The following MIPEP variants were observed in gnomAD, a reference collection of about 807,000 sequenced individuals.
MIPEP encodes mitochondrial intermediate peptidase.
MIPEP carries 79 observed loss-of-function variants against 90.3 expected under a neutral mutation model. The observed-to-expected ratio is 0.87, with a 90% CI of 0.73 to 1.05. The LOEUF (loss-of-function observed/expected upper bound fraction) is 1.05, where lower values mean the gene tolerates loss of function less well. Among genes scored for constraint, MIPEP ranks in the 50% least tolerant of loss-of-function variants. MIPEP has a pLI of 0.00. For synonymous variants in MIPEP, 334 were observed against 315.8 expected, an observed-to-expected ratio of 1.06 and a Z score of -0.61; for missense variants, 940 against 905.6, an observed-to-expected ratio of 1.04 and a Z score of -0.49.
chr13:23,762,725 G>A (rs1199295430), intron 16 of MIPEP, among the ~76,000 whole-genome samples: 2 of 152,186 alleles, frequency 1.3e-5, no homozygotes, highest in East Asian at 1.9e-4. Flanking sequence ...GCACTTGCAC[G>A]GCTATTGTTT....
intron 18 of MIPEP, among the ~76,000 whole-genome samples, chr13:23,754,784 C>T (rs1009455873): frequency 3.3e-5 from 5 of 152,186 alleles, no homozygotes; most frequent in African/African-American, 9.7e-5. Flanking sequence ...CGCCTTAGCT[C>T]GGGGTGGGCT....
chr13:23,860,127 C>T (rs796084500), intron 9 of MIPEP, among the ~76,000 whole-genome samples: 11 of 152,308 alleles, frequency 7.2e-5, no homozygotes, highest in African/African-American at 2.4e-4. Context: ...GCAAGTGACT[C>T]AACAATCAGA....
chr13:23,799,375 T>G (rs1300840742), intron 16 of MIPEP, among the ~76,000 whole-genome samples: 1 of 152,018 alleles, frequency 6.6e-6, no homozygotes, highest in Non-Finnish European at 1.5e-5. Context: ...TCGCCCAGGC[T>G]GGAGTGCAGT....
rs753192532 is a variant in MIPEP, at chr13:23,858,916, C to T, written c.1054-4G>A. On this transcript the variant is annotated splice_polypyrimidine_tract_variant and splice_region_variant and intron_variant, in intron 9 of 18. Transcript: ENST00000382172. ...GGGGGTCCCAGGGCATTACTTCCTA[C>T]AATGGAATAATTCACTGTTAAGGAA... is the stretch of plus-strand genomic sequence containing the variant. The T allele has an allele frequency of 6.2e-7, 1 of 1,612,278 alleles. No individual in the cohort carries two copies. The highest frequency in any genetic ancestry group is 8.5e-7 in the Non-Finnish European group (1 of 1,178,608).
intron 18 of MIPEP, among the ~76,000 whole-genome samples, chr13:23,739,615 C>T (rs189187337): frequency 6.6e-6 from 1 of 152,184 alleles, no homozygotes; most frequent in African/African-American, 2.4e-5. Context: ...CCAAAGTGGG[C>T]GATTTTAGCA....
chr13:23,771,612 C>T (rs1389625290), intron 16 of MIPEP, among the ~76,000 whole-genome samples: 1 of 151,032 alleles, frequency 6.6e-6, no homozygotes, highest in Non-Finnish European at 1.5e-5. Flanking sequence ...AATAATACTG[C>T]TATTAGCTTC....
chr13:23,877,708 A>G (rs1201746220), intron 4 of MIPEP, among the ~76,000 whole-genome samples: 1 of 152,234 alleles, frequency 6.6e-6, no homozygotes, highest in Non-Finnish European at 1.5e-5. Context: ...TCTGTACATT[A>G]ACTTACAAGA....
chr13:23,822,604 G>T (rs1953319615), intron 14 of MIPEP, among the ~76,000 whole-genome samples: 1 of 152,164 alleles, frequency 6.6e-6, no homozygotes, highest in African/African-American at 2.4e-5. Flanking sequence ...GGACACTAGG[G>T]AGTGGGGGCC....
intron 14 of MIPEP, among the ~76,000 whole-genome samples, chr13:23,824,083 T>A (rs7139473): frequency 0.35 from 53,626 of 152,060 alleles, 10,097 homozygotes; most frequent in African/African-American, 0.49. Context: ...TAGCACAGCA[T>A]TTTGGAATGA....
intron 5 of MIPEP, among the ~76,000 whole-genome samples, chr13:23,871,500 G>A (rs1046392305): frequency 6.6e-6 from 1 of 152,146 alleles, no homozygotes; most frequent in African/African-American, 2.4e-5. Flanking sequence ...AACTAGACAG[G>A]CTCCGCACTG....
chr13:23,787,720 C>T (rs1354906896), intron 16 of MIPEP, among the ~76,000 whole-genome samples: 1 of 152,180 alleles, frequency 6.6e-6, no homozygotes, highest in East Asian at 1.9e-4. Flanking sequence ...CCAAGAATAT[C>T]TCTTTTAGGA....
In MIPEP at chr13:23,879,036, G is replaced by A. The variant is rs533952844; in HGVS notation, c.539+232C>T. ...AACAGGATACGTTGGAAGGAACGAG[G>A]GCTATGAAGAAAAATAAATCAGGAT... On this transcript the variant is annotated intron_variant, in intron 4 of 18. Coordinates refer to ENST00000382172, the MANE Select transcript of MIPEP (RefSeq NM_005932.4). Among the ~76,000 whole-genome samples, 139 of 152,276 alleles carry A rather than the reference G, an allele frequency of 9.1e-4. 3 individuals carry two copies. In the South Asian group the frequency reaches 0.029, roughly 31 times the overall value.
Position 23,837,737 on chromosome 13 carries a change from C to T in MIPEP, c.1358G>A (p.Arg453His), listed in dbSNP as rs12858248. The T allele has an allele frequency of 1.9e-4, 308 of 1,611,760 alleles. No individual in the cohort carries two copies. Among genetic ancestry groups the T allele is most frequent in the Admixed American group, 2.7e-4 (16 of 59,984 alleles). ...KPHQDCHFTIRGGRLKEDGDY... is the reference protein window; with the variant it reads ...KPHQDCHFTIHGGRLKEDGDY... Reference sequence around the variant, plus strand: ...TCCATCTTCCTTTAGTCTGCCTCCACGGATAGTGAAATGGCAATCCTTTAA... The same window carrying T: ...TCCATCTTCCTTTAGTCTGCCTCCATGGATAGTGAAATGGCAATCCTTTAA... The change falls in exon 13 of 19, where the codon CGT (arginine) becomes CAT (histidine). Residue 453 changes from arginine (R) to histidine (H), a missense_variant. Transcript: ENST00000382172.
In MIPEP at chr13:23,875,027, A is replaced by AACACACACAC. The variant is rs10595689; in HGVS notation, c.540-128_540-119dup. ...GCCTCACTGCCAAAAGTTTCTTCAA[A>AACACACACAC]ACACACACACACACACACACACACA... On this transcript the variant is annotated intron_variant, in intron 4 of 18. Coordinates refer to ENST00000382172, the MANE Select transcript of MIPEP (RefSeq NM_005932.4). The AACACACACAC allele has an allele frequency of 0.079, 31,506 of 397,430 alleles. 1,075 individuals carry two copies. The highest frequency in any genetic ancestry group is 0.091 in the Non-Finnish European group (20,240 of 222,010). 24.6% of individuals were successfully genotyped at this position (397,430 alleles called of 1,614,324 possible). A position where few individuals can be genotyped will look rare whatever the true frequency, so the allele number is the denominator to read the frequency against.
At chr13:23,745,385 A>G (rs756490979) in intron 18 of MIPEP, among the ~76,000 whole-genome samples, 2 of 152,234 alleles carry the variant, frequency 1.3e-5, no homozygotes, top group African/African-American at 2.4e-5. Context: ...CTCTTTCAGG[A>G]AACAGTCCAG....
intron 18 of MIPEP, among the ~76,000 whole-genome samples, chr13:23,755,675 C>A (rs1952483782): frequency 6.6e-6 from 1 of 152,144 alleles, no homozygotes; most frequent in South Asian, 2.1e-4. Context: ...TTCTTATATT[C>A]ATACATGAAA....
intron 15 of MIPEP, 127 bp from the exon 16 acceptor site, chr13:23,806,196 T>C (rs1037700728): frequency 1.2e-5 from 11 of 931,378 alleles, no homozygotes; most frequent in African/African-American, 1.0e-4. Context: ...GTCACAAAAA[T>C]AAACTTACAT....
Position 23,730,219 on chromosome 13 carries a change from T to C in MIPEP, c.*129A>G, listed in dbSNP as rs1593120024. On this transcript the variant is annotated 3_prime_UTR_variant, in exon 19 of 19. Transcript: ENST00000382172. The stretch of plus-strand genomic sequence containing the variant: ...AAAACAAATTATTTATTCCAAGTTC[T>C]ACCAGTTTAAAGTTTTTCAGAATTA... 3 of 640,038 alleles carry C rather than the reference T, an allele frequency of 4.7e-6. No homozygotes were observed. Among genetic ancestry groups the C allele is most frequent in the Non-Finnish European group, 8.2e-6 (3 of 363,716 alleles). 39.6% of individuals were successfully genotyped at this position (640,038 alleles called of 1,614,324 possible).
intron 18 of MIPEP, among the ~76,000 whole-genome samples, chr13:23,736,654 C>T (rs1952267223): frequency 6.6e-6 from 1 of 152,170 alleles, no homozygotes; most frequent in South Asian, 2.1e-4. Context: ...TGCAGACATA[C>T]AGCTGGAGAG....
Sources: gnomAD v4.1 joint callset for allele counts (sites outside exome capture counted in the v4.1 genomes callset) on GRCh38, gnomAD v4.1.1 for gene constraint, MANE v1.5 for transcripts, NCBI Gene and HGNC (gene_info 2026-07-23, HGNC 2026-07-21) for gene names.